The following PALM2AKAP2 variants were observed in gnomAD, a reference collection of about 807,000 sequenced individuals.
The protein encoded by PALM2AKAP2 is PALM2-AKAP2 fusion protein.
Under a neutral mutation model 71.5 loss-of-function variants are expected in PALM2AKAP2, and 37 were observed. The observed-to-expected ratio is 0.52, with a 90% CI of 0.40 to 0.68. PALM2AKAP2 has a LOEUF of 0.68. PALM2AKAP2 is among the 30% of genes least tolerant of loss of function. The pLI, the probability that PALM2AKAP2 is intolerant of heterozygous loss-of-function variation, is 0.00. For missense variants in PALM2AKAP2, 1,224 were observed against 1,191.8 expected (o/e 1.03, Z -0.40); for synonymous variants, 468 against 478.8 (o/e 0.98, Z 0.29).
chr9:110,056,758 T>G (rs1833850414), intron 1 of PALM2AKAP2, among the ~76,000 whole-genome samples: 1 of 152,178 alleles, frequency 6.6e-6, no homozygotes, highest in South Asian at 2.1e-4. Context: ...CAAAGAATAG[T>G]TCAGATCAGT....
intron 1 of PALM2AKAP2, among the ~76,000 whole-genome samples, chr9:109,715,459 T>C (rs2118619332): frequency 6.6e-6 from 1 of 152,312 alleles, no homozygotes; most frequent in African/African-American, 2.4e-5. Context: ...CAACGTTCCC[T>C]GCTTATCTCC....
chr9:109,855,833 T>C (rs2131642576), intron 1 of PALM2AKAP2, among the ~76,000 whole-genome samples: 1 of 152,346 alleles, frequency 6.6e-6, no homozygotes, highest in East Asian at 1.9e-4. Flanking sequence ...TGTTGATTCT[T>C]CATGGGAGAC....
At chr9:109,881,876 CT>C (rs565835467) in intron 3 of PALM2AKAP2, among the ~76,000 whole-genome samples, 80 of 95,098 alleles carry the variant, frequency 8.4e-4, no homozygotes, top group African/African-American at 1.6e-3. Context: ...CTTATGAGCT[CT>C]TTTTTTTTTT....
chr9:110,131,288 A>C (rs1053484762), intron 1 of PALM2AKAP2, among the ~76,000 whole-genome samples: 5 of 152,162 alleles, frequency 3.3e-5, no homozygotes, highest in Non-Finnish European at 7.4e-5. Context: ...CCGATCTAAA[A>C]AGCTCCCACA....
At chr9:110,035,224 AT>A (rs1833360601) in intron 7 of PALM2AKAP2, among the ~76,000 whole-genome samples, 1 of 142,230 alleles carries the variant, frequency 7.0e-6, no homozygotes, top group Non-Finnish European at 1.5e-5. Flanking sequence ...TATATAAAAA[AT>A]ATATATAATA....
chr9:109,717,927 AG>A (rs1185455912), intron 1 of PALM2AKAP2, among the ~76,000 whole-genome samples: 9 of 152,232 alleles, frequency 5.9e-5, no homozygotes, highest in Non-Finnish European at 8.8e-5. Context: ...GAGAGATAAA[AG>A]GAGATATGTG....
intron 3 of PALM2AKAP2, among the ~76,000 whole-genome samples, chr9:109,915,510 C>T (rs966855754): frequency 6.6e-6 from 1 of 152,210 alleles, no homozygotes; most frequent in Non-Finnish European, 1.5e-5. Flanking sequence ...GGTTCCCCAG[C>T]CAGACCACCA....
At chr9:109,955,103 C>G (rs7871198) in intron 6 of PALM2AKAP2, among the ~76,000 whole-genome samples, 7,705 of 152,126 alleles carry the variant, frequency 0.051, 407 homozygotes, top group East Asian at 0.27. Context: ...AGCATGTGAC[C>G]CCTAATCTAC....
chr9:109,678,551 G>C (rs1425708223), intron 1 of PALM2AKAP2, among the ~76,000 whole-genome samples: 6 of 152,200 alleles, frequency 3.9e-5, no homozygotes, highest in Admixed American at 6.5e-5. Flanking sequence ...GGAGATAACA[G>C]CGTTGGGTTT....
At chr9:110,152,071 T>C (rs1272531580) in intron 2 of PALM2AKAP2, among the ~76,000 whole-genome samples, 1 of 152,150 alleles carries the variant, frequency 6.6e-6, no homozygotes, top group Non-Finnish European at 1.5e-5. Context: ...ACCCTGTCTC[T>C]AGTAAAAATA....
chr9:109,923,773 C>T (rs768121342), exon 4 of PALM2AKAP2: 1 of 1,605,162 alleles, frequency 6.2e-7, no homozygotes. Context: ...AGTGAAGAGT[C>T]CCAGATATCT....
At chr9:109,931,786 G>T in intron 5 of PALM2AKAP2, 141 bp from the exon 6 acceptor site, 3 of 915,232 alleles carry the variant, frequency 3.3e-6, no homozygotes, top group Non-Finnish European at 5.0e-6. Flanking sequence ...GCAAATGCTT[G>T]TCTTTGTTTA....
intron 1 of PALM2AKAP2, among the ~76,000 whole-genome samples, chr9:109,848,420 C>A (rs1828922036): frequency 6.6e-6 from 1 of 152,182 alleles, no homozygotes; most frequent in African/African-American, 2.4e-5. Flanking sequence ...GTGAGACTTA[C>A]TGTTTTCTTG....
intron 1 of PALM2AKAP2, among the ~76,000 whole-genome samples, chr9:109,691,729 C>T (rs1036027590): frequency 6.7e-6 from 1 of 149,824 alleles, no homozygotes; most frequent in Non-Finnish European, 1.5e-5. Context: ...GGTAAGCCTG[C>T]CCCCACACCA....
Position 109,691,174 on chromosome 9 carries a change from T to TACACACACACACACACAC in PALM2AKAP2, c.5+50322_5+50339dup, listed in dbSNP as rs56966509. ...ACCAATGTTGCATTACTTTGAATTT[T>TACACACACACACACACAC]ACACACACACACACACACACACACA... On this transcript the variant is annotated intron_variant, in intron 1 of 6. Transcript: ENST00000374531. Among the ~76,000 whole-genome samples, 1,382 of 147,528 alleles carry TACACACACACACACACAC rather than the reference T, an allele frequency of 9.4e-3. 15 individuals are homozygous for TACACACACACACACACAC. The highest frequency in any genetic ancestry group is 0.023 in the African/African-American group (907 of 40,006).
intron 2 of PALM2AKAP2, among the ~76,000 whole-genome samples, chr9:110,150,496 G>A (rs901391556): frequency 2.6e-5 from 4 of 151,826 alleles, no homozygotes; most frequent in East Asian, 1.9e-4. Flanking sequence ...TCTCTCTCTC[G>A]CTGACCCTCC....
chr9:110,066,229 G>A (rs187788500), intron 1 of PALM2AKAP2, among the ~76,000 whole-genome samples: 1 of 152,326 alleles, frequency 6.6e-6, no homozygotes, highest in Admixed American at 6.5e-5. Context: ...GGCTTAGAGA[G>A]AGTATGGACT....
chr9:109,671,809 C>A (rs1587861801), intron 1 of PALM2AKAP2, among the ~76,000 whole-genome samples: 1 of 151,982 alleles, frequency 6.6e-6, no homozygotes, highest in Admixed American at 6.6e-5. Flanking sequence ...AGATTTTTCA[C>A]CTTTAACACA....
intron 7 of PALM2AKAP2, among the ~76,000 whole-genome samples, chr9:110,038,018 G>A (rs1490343777): frequency 6.6e-6 from 1 of 152,160 alleles, no homozygotes; most frequent in Non-Finnish European, 1.5e-5. Context: ...AAATGAGAAC[G>A]AACCTTAAAA....
Sources: gnomAD v4.1 joint callset for allele counts (sites outside exome capture counted in the v4.1 genomes callset) on GRCh38, gnomAD v4.1.1 for gene constraint, MANE v1.5 for transcripts, NCBI Gene and HGNC (gene_info 2026-07-23, HGNC 2026-07-21) for gene names.